FKBP5: variants seen among roughly 807,000 people sequenced by gnomAD.
FKBP5 encodes FKBP prolyl isomerase 5.
A neutral mutation model predicts 50.5 loss-of-function variants in FKBP5; 23 were observed. That is an observed-to-expected ratio of 0.46 (90% confidence interval 0.33 to 0.65). The LOEUF (loss-of-function observed/expected upper bound fraction) is 0.65. Ranked by LOEUF, FKBP5 falls within the 30% of genes least tolerant of loss-of-function variation. The pLI, the probability that FKBP5 is intolerant of heterozygous loss-of-function variation, is 0.02. For missense variants in FKBP5, 411 were observed against 553.1 expected (o/e 0.74, Z 2.58); for synonymous variants, 176 against 190.6 (o/e 0.92, Z 0.63).
At chr6:35,673,469 G>C (rs182395641) in intron 1 of FKBP5, among the ~76,000 whole-genome samples, 9 of 152,142 alleles carry the variant, frequency 5.9e-5, no homozygotes, top group Admixed American at 3.3e-4. Context: ...AAGAACGCTT[G>C]AGCCTGGGAA....
chr6:35,614,884 G>T (rs9470069), intron 5 of FKBP5, among the ~76,000 whole-genome samples: 2 of 151,956 alleles, frequency 1.3e-5, no homozygotes, highest in East Asian at 1.9e-4. Context: ...CAGCACTTTG[G>T]GAGGCCAAGG....
chr6:35,687,238 A>T (rs1561895456), intron 1 of FKBP5, among the ~76,000 whole-genome samples: 2 of 152,250 alleles, frequency 1.3e-5, no homozygotes, highest in African/African-American at 4.8e-5. Context: ...TGTTTCTCAC[A>T]AATAATGAGT....
intron 3 of FKBP5, among the ~76,000 whole-genome samples, chr6:35,621,523 CAGG>C (rs1763838437): frequency 6.6e-6 from 1 of 150,498 alleles, no homozygotes. Flanking sequence ...GAGGCTGAGG[CAGG>C]AGAATTGCTT....
intron 7 of FKBP5, among the ~76,000 whole-genome samples, chr6:35,590,721 G>A (rs1260875584): frequency 6.6e-6 from 1 of 152,068 alleles, no homozygotes; most frequent in African/African-American, 2.4e-5. Flanking sequence ...CGTGACTCCT[G>A]TGAAGGGTAC....
At chr6:35,610,626 G>A (rs556479257) in intron 5 of FKBP5, among the ~76,000 whole-genome samples, 11 of 146,500 alleles carry the variant, frequency 7.5e-5, no homozygotes, top group Admixed American at 5.5e-4. Context: ...CCTAGTCGAA[G>A]TCCTAACACT....
chr6:35,598,443 G>T (rs182556778), intron 5 of FKBP5, among the ~76,000 whole-genome samples: 26 of 151,160 alleles, frequency 1.7e-4, no homozygotes, highest in Non-Finnish European at 4.4e-5. Flanking sequence ...GGCTGGTCTC[G>T]AACTCCTGAC....
At chr6:35,633,435 G>A (rs1764220738) in intron 3 of FKBP5, among the ~76,000 whole-genome samples, 2 of 151,158 alleles carry the variant, frequency 1.3e-5, no homozygotes, top group Admixed American at 6.6e-5. Flanking sequence ...CCCAGATACT[G>A]GGGAGGCTGA....
At chr6:35,641,648 T>G (rs1398128060) in intron 2 of FKBP5, among the ~76,000 whole-genome samples, 4 of 152,192 alleles carry the variant, frequency 2.6e-5, no homozygotes, top group African/African-American at 9.7e-5. Context: ...GTAAGATATA[T>G]TCTAAGAGGA....
intron 3 of FKBP5, among the ~76,000 whole-genome samples, chr6:35,621,113 C>T (rs1005349451): frequency 6.6e-6 from 1 of 152,132 alleles, no homozygotes; most frequent in East Asian, 1.9e-4. Context: ...ACATATGTGT[C>T]TTTTTGTCAA....
chr6:35,585,606 A>G (rs958486907), intron 8 of FKBP5: 2 of 983,290 alleles, frequency 2.0e-6, no homozygotes, highest in Non-Finnish European at 2.4e-6. Context: ...CTGGTGATCC[A>G]TAAGAGTTTA....
At chr6:35,586,864 A>G (rs1171267363) in intron 8 of FKBP5, 170 bp downstream of exon 8, 4 of 1,442,846 alleles carry the variant, frequency 2.8e-6, no homozygotes, top group South Asian at 1.5e-5. Context: ...TTTTTTCCAC[A>G]TGATTGTTTT....
chr6:35,592,980 T>C (rs529737581), intron 6 of FKBP5, among the ~76,000 whole-genome samples: 1 of 152,344 alleles, frequency 6.6e-6, no homozygotes, highest in African/African-American at 2.4e-5. Flanking sequence ...CTATTATTGA[T>C]GGGATTAAAG....
At chr6:35,581,079 C>T in intron 8 of FKBP5, 2 of 963,194 alleles carry the variant, frequency 2.1e-6, no homozygotes, top group Non-Finnish European at 2.5e-6. Flanking sequence ...AGCTGTGTTT[C>T]AGTTAAACTG....
chr6:35,689,830 C>T (rs971738383), upstream of FKBP5, among the ~76,000 whole-genome samples: 2 of 151,810 alleles, frequency 1.3e-5, no homozygotes, highest in Non-Finnish European at 2.9e-5. Context: ...AGCAAGACTC[C>T]ATCTCAAAAC....
intron 8 of FKBP5, chr6:35,585,672 C>A (rs1029860299): frequency 2.1e-6 from 2 of 933,684 alleles, no homozygotes; most frequent in African/African-American, 3.6e-5. Context: ...CTTATCTAAA[C>A]CCATGATTTA....
At chr6:35,584,752 C>T in intron 8 of FKBP5, 2 of 985,324 alleles carry the variant, frequency 2.0e-6, no homozygotes, top group Non-Finnish European at 2.4e-6. Context: ...TAATTTTTCC[C>T]CAATGGACTA....
intron 1 of FKBP5, among the ~76,000 whole-genome samples, chr6:35,678,075 TGTA>T (rs1180139504): frequency 1.3e-5 from 2 of 152,094 alleles, no homozygotes; most frequent in Non-Finnish European, 1.5e-5. Flanking sequence ...TTAGGACAAG[TGTA>T]GTGAAAATCA....
chr6:35,581,259 A>ACTG, intron 8 of FKBP5: 2 of 527,938 alleles, frequency 3.8e-6, no homozygotes, highest in Non-Finnish European at 4.8e-6. Flanking sequence ...AATATATATA[A>ACTG]ATATAAACAT....
chr6:35,603,776 C>T (rs1281463301), intron 5 of FKBP5, among the ~76,000 whole-genome samples: 1 of 151,922 alleles, frequency 6.6e-6, no homozygotes, highest in African/African-American at 2.4e-5. Context: ...ACAACCTTCA[C>T]TTACTGCAAC....
Sources: allele counts gnomAD v4.1 joint callset (sites outside exome capture counted in the v4.1 genomes callset), GRCh38; gene constraint gnomAD v4.1.1; transcripts MANE v1.5; gene names NCBI Gene and HGNC (gene_info 2026-07-23, HGNC 2026-07-21).